Variants in LSP1 observed in about 807,000 individuals in gnomAD.
LSP1 encodes lymphocyte specific protein 1.
Under a neutral mutation model 49.3 loss-of-function variants are expected in LSP1, and 32 were observed. The ratio of observed to expected loss-of-function variants is 0.65; its 90% confidence interval spans 0.49 to 0.87. The LOEUF (loss-of-function observed/expected upper bound fraction) is 0.87, where lower values mean the gene tolerates loss of function less well. LSP1 is among the 40% of genes least tolerant of loss of function. LSP1 has a pLI of 0.00. For synonymous variants in LSP1, 179 were observed against 178.8 expected (o/e 1.00, Z -0.01); for missense variants, 428 against 442.6 (o/e 0.97, Z 0.30).
chr11:1,868,783 C>T (rs1565075371), intron 1 of LSP1: 1 of 985,824 alleles, frequency 1.0e-6, no homozygotes, highest in Non-Finnish European at 1.2e-6. Context: ...GGTGTCAGGG[C>T]CAGAGCCCAG....
At chr11:1,870,006 C>T (rs1045212895) in intron 1 of LSP1, 12 of 389,670 alleles carry the variant, frequency 3.1e-5, no homozygotes, top group Non-Finnish European at 4.3e-5. Context: ...CTGCGTGAGA[C>T]GTGAGAGGTG....
At chr11:1,867,022 C>T (rs1215589125) in intron 1 of LSP1, 9 of 1,132,366 alleles carry the variant, frequency 7.9e-6, no homozygotes, top group Non-Finnish European at 9.7e-6. Context: ...AGGCTCAGGG[C>T]CAGTCCCTGT....
chr11:1,885,158 C>A (rs985521946), intron 7 of LSP1, among the ~76,000 whole-genome samples: 2 of 151,802 alleles, frequency 1.3e-5, no homozygotes, highest in East Asian at 3.9e-4. Flanking sequence ...AATGTCCCTC[C>A]CATCCAATCA....
chr11:1,886,932 G>T, intron 8 of LSP1, 66 bp downstream of exon 8: 2 of 1,560,676 alleles, frequency 1.3e-6, no homozygotes, highest in South Asian at 1.2e-5. Flanking sequence ...GTAGCAGGCC[G>T]GGTTTCCTTG....
intron 1 of LSP1, among the ~76,000 whole-genome samples, chr11:1,857,516 G>A (rs1179610136): frequency 6.6e-6 from 1 of 152,248 alleles, no homozygotes; most frequent in African/African-American, 2.4e-5. Context: ...TCAGCCTGGT[G>A]AGGGGTGGGG....
At chr11:1,889,706 G>T (rs773472585) in intron 10 of LSP1, 3 of 647,444 alleles carry the variant, frequency 4.6e-6, no homozygotes, top group Admixed American at 5.2e-5. Context: ...GCTCCTCCAG[G>T]TGCTCTCTGC....
chr11:1,858,645 C>A (rs1325063754), intron 1 of LSP1, among the ~76,000 whole-genome samples: 2 of 152,326 alleles, frequency 1.3e-5, no homozygotes, highest in East Asian at 3.9e-4. Context: ...GGGAAGCGAG[C>A]GGGCTGGAGA....
At chr11:1,889,468 C>G (rs1173531591) in intron 10 of LSP1, 1 of 632,104 alleles carries the variant, frequency 1.6e-6, no homozygotes, top group East Asian at 2.8e-5. Flanking sequence ...ACCTCCTGCT[C>G]TGTGGGGGTG....
At position 1,863,858 on chromosome 11, in the gene LSP1, C is replaced by T. The variant is rs1024740050; in HGVS notation, c.53+10661C>T. On this transcript the variant is annotated intron_variant, in intron 1 of 10. Transcript: ENST00000311604. ...TGCCAATACCAAACCGAAGATGCTG[C>T]GTTGGTGGCGTCTCTGCCTCTTGGG... 3.3e-5 allele frequency among the ~76,000 whole-genome samples: 5 copies of T among 152,246 alleles called. No individual in the cohort carries two copies. The East Asian group carries it at 7.8e-4, about 24-fold the overall frequency.
intron 1 of LSP1, among the ~76,000 whole-genome samples, chr11:1,872,449 G>C (rs1327606425): frequency 1.5e-5 from 2 of 130,938 alleles, no homozygotes; most frequent in African/African-American, 5.8e-5. Context: ...CGTGCTGGTA[G>C]AGTTGGGGTC....
At chr11:1,857,181 G>A (rs1001442014) in intron 1 of LSP1, among the ~76,000 whole-genome samples, 4 of 152,160 alleles carry the variant, frequency 2.6e-5, no homozygotes, top group African/African-American at 9.7e-5. Flanking sequence ...GGTCGCACAA[G>A]TGGGAGCATC....
chr11:1,862,415 T>C (rs1230518190), intron 1 of LSP1, among the ~76,000 whole-genome samples: 4 of 152,244 alleles, frequency 2.6e-5, no homozygotes, highest in Non-Finnish European at 5.9e-5. Context: ...CCAAGGTAGC[T>C]CTTTTCCCTG....
rs749722687 is a variant in LSP1, at chr11:1,892,203, C to T, written c.*444C>T. The T allele has an allele frequency of 6.6e-6, 1 of 152,350 alleles. No individual in the cohort carries two copies. Among genetic ancestry groups the T allele is most frequent in the Non-Finnish European group, 1.5e-5 (1 of 68,182 alleles). The allele number at this position is 152,350 out of a possible 1,614,324, so 9.4% of individuals were successfully genotyped here. A position where few individuals can be genotyped will look rare whatever the true frequency, so the allele number is the denominator to read the frequency against. The stretch of plus-strand genomic sequence containing the variant: ...ATGCAGGATGCTTGATGCTGCGTCC[C>T]CCGCTGCTTGCCGCCCCCCACCCCG... On this transcript the variant is annotated 3_prime_UTR_variant, in exon 11 of 11. Transcript: ENST00000311604.
At chr11:1,875,985 C>T (rs985801759) in intron 1 of LSP1, among the ~76,000 whole-genome samples, 2 of 152,248 alleles carry the variant, frequency 1.3e-5, no homozygotes, top group African/African-American at 4.8e-5. Flanking sequence ...GCGTGTGGCA[C>T]AACCAAGGGG....
intron 1 of LSP1, among the ~76,000 whole-genome samples, chr11:1,876,131 C>T (rs985384289): frequency 5.3e-5 from 8 of 152,180 alleles, no homozygotes; most frequent in East Asian, 1.9e-4. Flanking sequence ...CTGTGGTGGG[C>T]GGCTGGCGGG....
At chr11:1,877,974 C>T (rs1278327561) in intron 1 of LSP1, among the ~76,000 whole-genome samples, 1 of 152,118 alleles carries the variant, frequency 6.6e-6, no homozygotes, top group Non-Finnish European at 1.5e-5. Flanking sequence ...GGTCTCTGCG[C>T]CAATGTGTAC....
At chr11:1,855,866 C>T (rs1210445985) in intron 1 of LSP1, among the ~76,000 whole-genome samples, 1 of 152,230 alleles carries the variant, frequency 6.6e-6, no homozygotes, top group Admixed American at 6.5e-5. Context: ...TCTCCCCACA[C>T]TGAGGAACTA....
chr11:1,858,166 G>A (rs1248205198), intron 1 of LSP1, among the ~76,000 whole-genome samples: 1 of 152,234 alleles, frequency 6.6e-6, no homozygotes, highest in Non-Finnish European at 1.5e-5. Context: ...GGGGCCAAGT[G>A]CATTGTCCAA....
At chr11:1,877,590 C>A (rs4047076) in intron 1 of LSP1, among the ~76,000 whole-genome samples, 65 of 152,310 alleles carry the variant, frequency 4.3e-4, no homozygotes, top group Middle Eastern at 3.4e-3. Context: ...AAACAGTCAA[C>A]GTTTGCCTCA....
Sources: allele counts gnomAD v4.1 joint callset (sites outside exome capture counted in the v4.1 genomes callset), GRCh38; gene constraint gnomAD v4.1.1; transcripts MANE v1.5; gene names NCBI Gene and HGNC (gene_info 2026-07-23, HGNC 2026-07-21).